Variants in LINC00632 observed in about 807,000 individuals in gnomAD.
LINC00632 encodes the protein long independently transcribed non-coding RNA 632.
chrX:140,720,943 C>A (rs1342929102), intron 2 of LINC00632, among the ~76,000 whole-genome samples: 1 of 111,261 alleles, frequency 9.0e-6, no homozygotes, highest in Non-Finnish European at 1.9e-5. Flanking sequence ...CTGCAACACA[C>A]CAACCCAGGG....
At chrX:140,788,810 GTATC>G (rs113539569) in exon 5 of LINC00632, among the ~76,000 whole-genome samples, 4,777 of 75,103 alleles carry the variant, frequency 0.064, 304 homozygotes, top group African/African-American at 0.2. Context: ...ACACATATAT[GTATC>G]TATATTCCAT....
intron 3 of LINC00632, chrX:140,764,708 C>T (rs1931656605): frequency 8.9e-6 from 1 of 112,018 alleles, no homozygotes; most frequent in African/African-American, 3.2e-5. Context: ...GGTAAGCCGA[C>T]TCCTTCCCGT....
chrX:140,741,094 G>A (rs1285902201), intron 3 of LINC00632, among the ~76,000 whole-genome samples: 2 of 112,145 alleles, frequency 1.8e-5, no homozygotes, highest in African/African-American at 6.5e-5. Context: ...TAAAATGTCT[G>A]TGACATTACA....
At chrX:140,731,049 G>A (rs745884847) in intron 2 of LINC00632, among the ~76,000 whole-genome samples, 3 of 109,966 alleles carry the variant, frequency 2.7e-5, no homozygotes, top group South Asian at 7.9e-4. Context: ...TTACAGGTGC[G>A]TGCCACCAGA....
At chrX:140,724,145 TAC>T (rs1380956762) in intron 2 of LINC00632, among the ~76,000 whole-genome samples, 1 of 45,516 alleles carries the variant, frequency 2.2e-5, no homozygotes, top group African/African-American at 7.7e-5. Flanking sequence ...ACACATTCCA[TAC>T]ACACACAGAC....
exon 5 of LINC00632, among the ~76,000 whole-genome samples, chrX:140,776,874 G>A (rs2148403188): frequency 9.0e-6 from 1 of 111,306 alleles, no homozygotes; most frequent in African/African-American, 3.3e-5. Flanking sequence ...CAATAGCAAA[G>A]ACTTGGAACC....
intron 3 of LINC00632, among the ~76,000 whole-genome samples, chrX:140,745,346 T>A (rs1401976615): frequency 9.1e-6 from 1 of 110,377 alleles, no homozygotes; most frequent in Non-Finnish European, 1.9e-5. Flanking sequence ...ATGACCCTTT[T>A]GATACTTGAA....
At chrX:140,779,148 T>G (rs1388380746) in exon 5 of LINC00632, among the ~76,000 whole-genome samples, 1 of 110,792 alleles carries the variant, frequency 9.0e-6, no homozygotes, top group Non-Finnish European at 1.9e-5. Context: ...ACAGTTTGAG[T>G]GGAGAGAACC....
chrX:140,725,032 TACAC>T (rs780472713), intron 2 of LINC00632, among the ~76,000 whole-genome samples: 1 of 12,522 alleles, frequency 8.0e-5, no homozygotes, highest in Non-Finnish European at 1.8e-4. Flanking sequence ...ACACATTCCA[TACAC>T]ACACACAGAA....
At chrX:140,771,576 A>G (rs184320647) in intron 3 of LINC00632, among the ~76,000 whole-genome samples, 2 of 104,471 alleles carry the variant, frequency 1.9e-5, no homozygotes, top group African/African-American at 7.0e-5. Context: ...TAGCATACAA[A>G]TTGGTACAAC....
chrX:140,788,814 C>CCATATATACACATATATGTGTA, exon 5 of LINC00632, among the ~76,000 whole-genome samples: 1 of 65,969 alleles, frequency 1.5e-5, no homozygotes, highest in South Asian at 5.6e-4. Flanking sequence ...ATATATGTAT[C>CCATATATACACATATATGTGTA]TATATTCCAT....
intron 3 of LINC00632, among the ~76,000 whole-genome samples, chrX:140,770,429 G>A (rs1255867865): frequency 8.9e-6 from 1 of 111,860 alleles, no homozygotes; most frequent in Non-Finnish European, 1.9e-5. Flanking sequence ...AGCCAGGTGT[G>A]GTGGCTCACG....
chrX:140,752,268 C>T (rs1485195312), intron 3 of LINC00632, among the ~76,000 whole-genome samples: 2 of 111,799 alleles, frequency 1.8e-5, no homozygotes, highest in African/African-American at 6.5e-5. Flanking sequence ...ATCACAAAAT[C>T]CTGTCAACTC....
At chrX:140,721,811 T>C (rs1466014182) in intron 2 of LINC00632, among the ~76,000 whole-genome samples, 2 of 110,868 alleles carry the variant, frequency 1.8e-5, no homozygotes, top group Non-Finnish European at 3.8e-5. Flanking sequence ...AAAAAACACA[T>C]AAATAACAGA....
intron 2 of LINC00632, among the ~76,000 whole-genome samples, chrX:140,727,939 A>G (rs1016521999): frequency 4.5e-5 from 5 of 111,427 alleles, no homozygotes; most frequent in Non-Finnish European, 9.4e-5. Flanking sequence ...TTGCCACACC[A>G]CATTAAGACA....
intron 3 of LINC00632, among the ~76,000 whole-genome samples, chrX:140,759,289 TTTCCTTCCTTCC>T (rs796485491): frequency 0.058 from 4,590 of 79,464 alleles, 153 homozygotes; most frequent in African/African-American, 0.085. Context: ...TCTTTCTTTC[TTTCCTTCCTTCC>T]TTCCTTCCTT....
chrX:140,745,371 T>A (rs768607221), intron 3 of LINC00632, among the ~76,000 whole-genome samples: 86 of 110,725 alleles, frequency 7.8e-4, no homozygotes, highest in African/African-American at 2.7e-3. Context: ...GCACCTATGT[T>A]TCATTTAACT....
intron 3 of LINC00632, among the ~76,000 whole-genome samples, chrX:140,766,535 T>C (rs907531326): frequency 6.2e-5 from 7 of 112,020 alleles, no homozygotes; most frequent in Admixed American, 3.8e-4. Context: ...ATAGGGATGA[T>C]ACTTAAATTT....
chrX:140,780,960 C>T (rs1049693327), exon 5 of LINC00632, among the ~76,000 whole-genome samples: 7 of 110,229 alleles, frequency 6.4e-5, no homozygotes, highest in Non-Finnish European at 1.3e-4. Flanking sequence ...ATCTAGTAGT[C>T]TTTGCTATTC....
Sources: gnomAD v4.1 joint callset for allele counts (sites outside exome capture counted in the v4.1 genomes callset) on GRCh38, gnomAD v4.1.1 for gene constraint, MANE v1.5 for transcripts, NCBI Gene and HGNC (gene_info 2026-07-23, HGNC 2026-07-21) for gene names.